Variants in ABTB3 observed in about 807,000 individuals in gnomAD.
The protein encoded by ABTB3 is ankyrin repeat and BTB domain containing 3.
the ABTB3 span, among the ~76,000 whole-genome samples, chr12:107,375,422 A>AATCATCATCATCATCATC: frequency 6.7e-6 from 1 of 148,390 alleles, no homozygotes; most frequent in Middle Eastern, 3.4e-3. Context: ...TGGTGTCAGA[A>AATCATCATCATCATCATC]ATCATCATCA....
At chr12:107,328,120 C>T in the ABTB3 span, among the ~76,000 whole-genome samples, 1 of 152,226 alleles carries the variant, frequency 6.6e-6, no homozygotes, top group Non-Finnish European at 1.5e-5. Context: ...CAAGTCTACA[C>T]TATCAGAGGG....
the ABTB3 span, among the ~76,000 whole-genome samples, chr12:107,558,227 T>C: frequency 6.6e-6 from 1 of 152,098 alleles, no homozygotes; most frequent in Non-Finnish European, 1.5e-5. Context: ...GCCCATCAGC[T>C]CGTTTGCAGA....
At chr12:107,376,321 A>G in the ABTB3 span, among the ~76,000 whole-genome samples, 2 of 152,214 alleles carry the variant, frequency 1.3e-5, no homozygotes, top group Non-Finnish European at 2.9e-5. Context: ...TGGTCCCCAG[A>G]ACTGTTCCCA....
the ABTB3 span, among the ~76,000 whole-genome samples, chr12:107,350,545 C>CAA: frequency 3.2e-5 from 4 of 126,818 alleles, no homozygotes; most frequent in African/African-American, 5.9e-5. Context: ...GAGTCCGTCT[C>CAA]AAAAAAAAAA....
chr12:107,655,868 TGTTGTG>T, the ABTB3 span, among the ~76,000 whole-genome samples: 1 of 152,196 alleles, frequency 6.6e-6, no homozygotes, highest in African/African-American at 2.4e-5. Context: ...GAATCTCAGC[TGTTGTG>T]GTTAAGTTCA....
chr12:107,429,879 A>C, the ABTB3 span, among the ~76,000 whole-genome samples: 1 of 152,232 alleles, frequency 6.6e-6, no homozygotes, highest in Non-Finnish European at 1.5e-5. Flanking sequence ...AGCAGGCAGC[A>C]CTTGAGACAG....
At chr12:107,347,918 A>G in the ABTB3 span, among the ~76,000 whole-genome samples, 1 of 152,256 alleles carries the variant, frequency 6.6e-6, no homozygotes, top group East Asian at 1.9e-4. Flanking sequence ...CAACAATGAA[A>G]TACCAGCAAG....
the ABTB3 span, among the ~76,000 whole-genome samples, chr12:107,355,602 C>T: frequency 2.6e-5 from 4 of 152,246 alleles, no homozygotes; most frequent in East Asian, 7.7e-4. Context: ...CTATTACAGG[C>T]TCAGGGAGAA....
At chr12:107,399,552 CA>C in the ABTB3 span, among the ~76,000 whole-genome samples, 1 of 152,226 alleles carries the variant, frequency 6.6e-6, no homozygotes, top group African/African-American at 2.4e-5. Flanking sequence ...GGCATGAGCT[CA>C]TTGACTGAAA....
chr12:107,409,697 T>C, the ABTB3 span, among the ~76,000 whole-genome samples: 1 of 152,140 alleles, frequency 6.6e-6, no homozygotes, highest in Non-Finnish European at 1.5e-5. Flanking sequence ...CACTGGGGCT[T>C]GTCAGGGGTT....
At chr12:107,644,744 A>C in the ABTB3 span, among the ~76,000 whole-genome samples, 3 of 152,206 alleles carry the variant, frequency 2.0e-5, no homozygotes, top group South Asian at 6.2e-4. Context: ...TTTACCCTCA[A>C]GCAGGCCCTG....
chr12:107,463,425 C>A, the ABTB3 span, among the ~76,000 whole-genome samples: 1 of 152,070 alleles, frequency 6.6e-6, no homozygotes, highest in Admixed American at 6.5e-5. Flanking sequence ...ATGTACCTGG[C>A]CACCTTGATT....
chr12:107,572,598 A>G, the ABTB3 span, among the ~76,000 whole-genome samples: 1 of 152,196 alleles, frequency 6.6e-6, no homozygotes, highest in South Asian at 2.1e-4. Flanking sequence ...CTCACATCCT[A>G]TTTAAACTGT....
At chr12:107,550,890 A>T in the ABTB3 span, among the ~76,000 whole-genome samples, 2 of 152,024 alleles carry the variant, frequency 1.3e-5, no homozygotes, top group Non-Finnish European at 1.5e-5. Context: ...GCCTCTGCTA[A>T]TTTACTTTTA....
At chr12:107,655,120 T>C in the ABTB3 span, among the ~76,000 whole-genome samples, 2 of 152,202 alleles carry the variant, frequency 1.3e-5, no homozygotes, top group South Asian at 4.1e-4. Flanking sequence ...CACAATCCCA[T>C]TTTAATCTCT....
chr12:107,532,392 C>T, the ABTB3 span, among the ~76,000 whole-genome samples: 2 of 152,138 alleles, frequency 1.3e-5, no homozygotes, highest in Non-Finnish European at 2.9e-5. Flanking sequence ...CAAACAACTA[C>T]AGTCTAAGCT....
the ABTB3 span, among the ~76,000 whole-genome samples, chr12:107,518,457 CATGG>C: frequency 6.6e-6 from 1 of 152,032 alleles, no homozygotes; most frequent in Non-Finnish European, 1.5e-5. Context: ...TTTGTAGGGA[CATGG>C]ATGAAGATGG....
At chr12:107,379,248 G>T in the ABTB3 span, among the ~76,000 whole-genome samples, 1 of 152,144 alleles carries the variant, frequency 6.6e-6, no homozygotes, top group Non-Finnish European at 1.5e-5. Context: ...ATTGCTCTTG[G>T]TGTTAGTAGA....
At chr12:107,388,261 C>T in the ABTB3 span, among the ~76,000 whole-genome samples, 2 of 151,944 alleles carry the variant, frequency 1.3e-5, no homozygotes, top group African/African-American at 2.4e-5. Flanking sequence ...CATGAGCCAC[C>T]GCACCCGGCC....
Sources: gnomAD v4.1 joint callset for allele counts (sites outside exome capture counted in the v4.1 genomes callset) on GRCh38, gnomAD v4.1.1 for gene constraint, MANE v1.5 for transcripts, NCBI Gene and HGNC (gene_info 2026-07-23, HGNC 2026-07-21) for gene names.